RBFOX1: variants seen among roughly 807,000 people sequenced by gnomAD.
RBFOX1 encodes the protein RNA binding fox-1 homolog 1.
A neutral mutation model predicts 57.7 loss-of-function variants in RBFOX1; 8 were observed. That is an observed-to-expected ratio of 0.14 (90% CI 0.08 to 0.25). The LOEUF (loss-of-function observed/expected upper bound fraction) is 0.25, where lower values mean the gene tolerates loss of function less well. Ranked by LOEUF, RBFOX1 falls within the 10% of genes least tolerant of loss-of-function variation. The pLI, the probability that RBFOX1 is intolerant of heterozygous loss-of-function variation, is 1.00. For missense variants in RBFOX1, 611 were observed against 548.5 expected (o/e 1.11, Z -1.14); for synonymous variants, 326 against 222.4 (o/e 1.47, Z -4.15).
intron 1 of RBFOX1, among the ~76,000 whole-genome samples, chr16:6,225,905 T>A (rs938653669): frequency 1.3e-5 from 2 of 152,220 alleles, no homozygotes; most frequent in African/African-American, 4.8e-5. Flanking sequence ...ACTGAAGCCG[T>A]GCTTTTTGAT....
chr16:6,343,426 G>A (rs1008185056), intron 2 of RBFOX1, among the ~76,000 whole-genome samples: 1 of 152,278 alleles, frequency 6.6e-6, no homozygotes, highest in South Asian at 2.1e-4. Flanking sequence ...AGTCTTCAGG[G>A]AAGTTCTTTC....
intron 1 of RBFOX1, among the ~76,000 whole-genome samples, chr16:5,262,199 G>A (rs2062752594): frequency 6.6e-6 from 1 of 152,182 alleles, no homozygotes. Context: ...ATGCAGTAAC[G>A]GGGAGAGAGT....
chr16:5,938,123 T>G (rs1455528303), intron 4 of RBFOX1, among the ~76,000 whole-genome samples: 2 of 152,184 alleles, frequency 1.3e-5, no homozygotes, highest in Admixed American at 1.3e-4. Context: ...TTCTTCTCCT[T>G]TTCTTTTCTT....
At chr16:6,766,855 T>C (rs1445563978) in intron 3 of RBFOX1, among the ~76,000 whole-genome samples, 1 of 151,972 alleles carries the variant, frequency 6.6e-6, no homozygotes, top group Non-Finnish European at 1.5e-5. Flanking sequence ...TGGGGAAGCA[T>C]GTTCTAAGCT....
At chr16:6,197,146 C>T (rs2097184850) in intron 1 of RBFOX1, among the ~76,000 whole-genome samples, 1 of 152,148 alleles carries the variant, frequency 6.6e-6, no homozygotes. Flanking sequence ...TAAATGCATG[C>T]ATGTCACCAG....
At chr16:7,188,323 T>C (rs754193028) in intron 4 of RBFOX1, among the ~76,000 whole-genome samples, 12 of 152,226 alleles carry the variant, frequency 7.9e-5, no homozygotes, top group Non-Finnish European at 1.8e-4. Flanking sequence ...CTTCCTATAT[T>C]TCCTTTGGCT....
intron 2 of RBFOX1, among the ~76,000 whole-genome samples, chr16:6,449,893 G>C (rs2094555621): frequency 1.3e-5 from 2 of 152,160 alleles, no homozygotes; most frequent in African/African-American, 4.8e-5. Context: ...TTTTGAAAAG[G>C]ATGTTTTCCC....
At chr16:5,744,348 A>G (rs192198570) in intron 3 of RBFOX1, among the ~76,000 whole-genome samples, 1 of 152,244 alleles carries the variant, frequency 6.6e-6, no homozygotes, top group East Asian at 1.9e-4. Context: ...TTAATTATTT[A>G]TCTATTTCCA....
chr16:5,956,640 A>ATATATATATATATATATT (rs2059644316), intron 4 of RBFOX1, among the ~76,000 whole-genome samples: 2 of 101,510 alleles, frequency 2.0e-5, no homozygotes, highest in Non-Finnish European at 3.7e-5. Context: ...CAAAAAACAA[A>ATATATATATATATATATT]TATATATATA....
At chr16:5,773,033 G>T (rs1025053785) in intron 3 of RBFOX1, among the ~76,000 whole-genome samples, 1 of 152,096 alleles carries the variant, frequency 6.6e-6, no homozygotes, top group East Asian at 1.9e-4. Flanking sequence ...AAAAGGAAAA[G>T]ATGAAGTTGC....
intron 4 of RBFOX1, among the ~76,000 whole-genome samples, chr16:7,308,908 A>G (rs1249278528): frequency 6.6e-6 from 1 of 152,212 alleles, no homozygotes; most frequent in African/African-American, 2.4e-5. Context: ...GTGTTACTCC[A>G]TCTGATGATT....
chr16:6,956,806 C>G (rs934354638), intron 3 of RBFOX1, among the ~76,000 whole-genome samples: 12 of 151,964 alleles, frequency 7.9e-5, no homozygotes, highest in Admixed American at 2.6e-4. Context: ...TGGTTGCAGA[C>G]AGAGAGCAGC....
At chr16:6,688,171 C>G (rs1266738565) in intron 3 of RBFOX1, among the ~76,000 whole-genome samples, 4 of 151,398 alleles carry the variant, frequency 2.6e-5, no homozygotes, top group African/African-American at 9.7e-5. Flanking sequence ...AGAAGACTTT[C>G]AGTCATGGTG....
At chr16:7,496,424 T>C (rs1281079103) in intron 4 of RBFOX1, among the ~76,000 whole-genome samples, 1 of 152,186 alleles carries the variant, frequency 6.6e-6, no homozygotes, top group Non-Finnish European at 1.5e-5. Flanking sequence ...ATTAGAGGGG[T>C]GAGCCACTGT....
chr16:7,050,966 C>T (rs2049866615), intron 3 of RBFOX1, among the ~76,000 whole-genome samples: 1 of 151,984 alleles, frequency 6.6e-6, no homozygotes, highest in African/African-American at 2.4e-5. Context: ...AATATTCTTC[C>T]TTTTTTGTTT....
chr16:5,637,181 G>C (rs1246924331), intron 3 of RBFOX1, among the ~76,000 whole-genome samples: 1 of 152,362 alleles, frequency 6.6e-6, no homozygotes, highest in East Asian at 1.9e-4. Context: ...CAGGGCAGCA[G>C]CTGACATGCC....
intron 1 of RBFOX1, among the ~76,000 whole-genome samples, chr16:5,248,825 A>G (rs529622102): frequency 2.6e-5 from 4 of 152,102 alleles, no homozygotes; most frequent in African/African-American, 9.6e-5. Flanking sequence ...CCTGTCTCTA[A>G]TAAAAATACA....
At chr16:6,530,054 T>C (rs1214674869) in intron 2 of RBFOX1, among the ~76,000 whole-genome samples, 1 of 152,232 alleles carries the variant, frequency 6.6e-6, no homozygotes, top group Admixed American at 6.5e-5. Flanking sequence ...TATTTTACAA[T>C]GTGTTTAAAG....
intron 3 of RBFOX1, among the ~76,000 whole-genome samples, chr16:6,937,896 G>C (rs1430059904): frequency 6.9e-6 from 1 of 145,750 alleles, no homozygotes; most frequent in Admixed American, 7.3e-5. Context: ...TGGGTATCAT[G>C]AGGCATTCCT....
Sources: allele counts gnomAD v4.1 joint callset (sites outside exome capture counted in the v4.1 genomes callset), GRCh38; gene constraint gnomAD v4.1.1; transcripts MANE v1.5; gene names NCBI Gene and HGNC (gene_info 2026-07-23, HGNC 2026-07-21).